IQCE: variants seen among roughly 807,000 people sequenced by gnomAD.
The protein encoded by IQCE is IQ domain-containing protein E.
A neutral mutation model predicts 96.0 loss-of-function variants in IQCE; 115 were observed. That is an observed-to-expected ratio of 1.20 (90% confidence interval 1.03 to 1.40). IQCE has a LOEUF of 1.40. Ranked by LOEUF, IQCE falls within the 40% of genes most tolerant of loss-of-function variation. The pLI is 0.00. For missense variants in IQCE, 1,041 were observed against 909.1 expected (o/e 1.15, Z -1.87); for synonymous variants, 412 against 371.2 (o/e 1.11, Z -1.26).
chr7:2,578,490 T>G lies in IQCE; in HGVS notation c.594T>G (p.Val198=). Residue 198 remains valine, a synonymous_variant, in exon 8 of 22, where the codon GTT becomes GTG. Transcript: ENST00000402050. ...GCTTACCACAGGGCACGGATTTTGT[T>G]CGGACTCTGGCAGAGAAAAGGCCCG... The part of the protein sequence containing the change: ...LLDPSRGTDF[V]RTLAEKRPDA... 1 of 1,614,184 alleles carries G rather than the reference T, an allele frequency of 6.2e-7. No homozygotes were observed. Among genetic ancestry groups the G allele is most frequent in the Non-Finnish European group, 8.5e-7 (1 of 1,180,022 alleles).
intron 17 of IQCE, among the ~76,000 whole-genome samples, chr7:2,600,556 C>T (rs529086435): frequency 2.6e-5 from 4 of 152,186 alleles, no homozygotes; most frequent in East Asian, 1.9e-4. Flanking sequence ...CTCGTCCTCC[C>T]GAAAGCGTGG....
chr7:2,567,363 T>A (rs977286141), intron 2 of IQCE, among the ~76,000 whole-genome samples, 200 bp downstream of exon 2: 1 of 152,252 alleles, frequency 6.6e-6, no homozygotes, highest in Non-Finnish European at 1.5e-5. Context: ...AAAACTTTTA[T>A]CTGGACGTGA....
Position 2,592,963 on chromosome 7 carries a change from G to A in IQCE, c.1245-59G>A. The A allele has an allele frequency of 2.0e-6, 3 of 1,535,086 alleles. No homozygotes were observed. In the South Asian group the frequency reaches 3.7e-5, roughly 19 times the overall value. On this transcript the variant is annotated intron_variant, in intron 14 of 21. Coordinates refer to ENST00000402050, the MANE Select transcript of IQCE (RefSeq NM_152558.5). Reference sequence around the variant, plus strand: ...CTGTCATTTTCTGAAGTGCCTTCCTGCTCTGACATAACCTACAGTTTTTGT... The same window carrying A: ...CTGTCATTTTCTGAAGTGCCTTCCTACTCTGACATAACCTACAGTTTTTGT...
At chr7:2,583,599 C>G (rs371278588) in intron 9 of IQCE, 38 bp from the exon 10 acceptor site, 2 of 1,517,982 alleles carry the variant, frequency 1.3e-6, no homozygotes, top group Non-Finnish European at 1.8e-6. Context: ...CCTGGGAACG[C>G]TGGCACATCC....
intron 12 of IQCE, among the ~76,000 whole-genome samples, chr7:2,587,237 C>T (rs76457834): frequency 0.019 from 2,792 of 150,824 alleles, 97 homozygotes; most frequent in African/African-American, 0.064. Context: ...GGAAAGGCCA[C>T]GGGAGGTCTG....
At chr7:2,569,441 C>A (rs749007141) in intron 3 of IQCE, among the ~76,000 whole-genome samples, 6 of 152,150 alleles carry the variant, frequency 3.9e-5, no homozygotes, top group African/African-American at 4.8e-5. Context: ...TCACCTTTTT[C>A]CCCTTTGGAT....
intron 1 of IQCE, among the ~76,000 whole-genome samples, chr7:2,564,455 C>G (rs980230779): frequency 6.6e-6 from 1 of 150,786 alleles, no homozygotes; most frequent in Admixed American, 6.6e-5. Flanking sequence ...AACAATTATC[C>G]GGGCGTGGTG....
chr7:2,605,348 C>T (rs1004508255), intron 19 of IQCE, among the ~76,000 whole-genome samples: 22 of 152,114 alleles, frequency 1.4e-4, no homozygotes, highest in Admixed American at 4.6e-4. Context: ...AGGCCGGGCG[C>T]GGTGGCTCAC....
At chr7:2,608,762 T>G (rs1393846604) in intron 21 of IQCE, among the ~76,000 whole-genome samples, 1 of 152,190 alleles carries the variant, frequency 6.6e-6, no homozygotes, top group African/African-American at 2.4e-5. Flanking sequence ...AAGACGCAAG[T>G]TCATCCCCGT....
chr7:2,594,445 AC>A (rs1273012195), intron 15 of IQCE, among the ~76,000 whole-genome samples: 6 of 152,134 alleles, frequency 3.9e-5, no homozygotes, highest in Admixed American at 2.0e-4. Flanking sequence ...GTTTACTAAA[AC>A]CCCAGTGGTC....
rs1031317882 is a variant in IQCE, at chr7:2,613,267, G to A, written c.*3105G>A. On this transcript the variant is annotated 3_prime_UTR_variant, in exon 22 of 22. Transcript: ENST00000402050. The stretch of plus-strand genomic sequence containing the variant: ...CCGTGCAGGTGGCTGGTGAGCCACA[G>A]GTGCAGTACCCGGAGGTGTGCTCTC... The A allele has an allele frequency of 2.6e-5, 4 of 152,412 alleles. No homozygotes were observed. Among genetic ancestry groups the A allele is most frequent in the Admixed American group, 6.5e-5 (1 of 15,284 alleles). 9.4% of individuals were successfully genotyped at this position (152,412 alleles called of 1,614,324 possible).
intron 20 of IQCE, 123 bp from the exon 21 acceptor site, chr7:2,607,000 TG>T: frequency 1.2e-6 from 1 of 861,144 alleles, no homozygotes; most frequent in Non-Finnish European, 1.8e-6. Flanking sequence ...GGCTCGGGAC[TG>T]GCTCTGTGTT....
chr7:2,592,662 C>T (rs964285719), intron 14 of IQCE, among the ~76,000 whole-genome samples: 1 of 152,246 alleles, frequency 6.6e-6, no homozygotes, highest in Non-Finnish European at 1.5e-5. Context: ...GCGGGGCAGG[C>T]CCCTGCCCCA....
At chr7:2,567,028 T>A in intron 1 of IQCE, 88 bp from the exon 2 acceptor site, 1 of 1,074,434 alleles carries the variant, frequency 9.3e-7, no homozygotes. Flanking sequence ...TCAGCAGCTG[T>A]GGACGGGCTG....
intron 19 of IQCE, 137 bp from the exon 20 acceptor site, chr7:2,605,739 C>T: frequency 2.4e-6 from 2 of 842,412 alleles, no homozygotes; most frequent in Non-Finnish European, 3.3e-6. Context: ...CCAGCAATTC[C>T]CGGGAGGCAG....
chr7:2,575,594 C>G (rs1782062186), intron 6 of IQCE, among the ~76,000 whole-genome samples: 1 of 152,196 alleles, frequency 6.6e-6, no homozygotes, highest in Non-Finnish European at 1.5e-5. Context: ...TCTGGGCTCC[C>G]CACACAGCCT....
At chr7:2,564,073 A>G (rs1169469093) in intron 1 of IQCE, among the ~76,000 whole-genome samples, 6 of 149,950 alleles carry the variant, frequency 4.0e-5, no homozygotes, top group Non-Finnish European at 8.9e-5. Context: ...TTAGCCTGAC[A>G]TGGTGGTGCA....
chr7:2,575,335 C>T (rs1168371349), intron 6 of IQCE, among the ~76,000 whole-genome samples: 1 of 152,246 alleles, frequency 6.6e-6, no homozygotes, highest in Non-Finnish European at 1.5e-5. Flanking sequence ...CTCATTCCCA[C>T]TGGGCAGGGT....
At chr7:2,575,493 G>A (rs1415626123) in intron 6 of IQCE, among the ~76,000 whole-genome samples, 2 of 152,254 alleles carry the variant, frequency 1.3e-5, no homozygotes, top group East Asian at 1.9e-4. Context: ...TTGCCGCCAG[G>A]TAATGATGGT....
Sources: gnomAD v4.1 joint callset for allele counts (sites outside exome capture counted in the v4.1 genomes callset) on GRCh38, gnomAD v4.1.1 for gene constraint, MANE v1.5 for transcripts, NCBI Gene and HGNC (gene_info 2026-07-23, HGNC 2026-07-21) for gene names.